Variants in SH3GL1 observed in about 807,000 individuals in gnomAD.
The protein encoded by SH3GL1 is endophilin-A2.
SH3GL1 carries 21 observed loss-of-function variants against 48.8 expected under a neutral mutation model. That is an observed-to-expected ratio of 0.43 (90% CI 0.30 to 0.62). SH3GL1 has a LOEUF of 0.62. Ranked by LOEUF, SH3GL1 falls within the 20% of genes least tolerant of loss-of-function variation. The pLI is 0.11. For synonymous variants in SH3GL1, 282 were observed against 217.5 expected (o/e 1.30, Z -2.61); for missense variants, 454 against 503.0 (o/e 0.90, Z 0.93).
rs1568403315 is a variant in SH3GL1, at chr19:4,360,486, A to C, written c.*1114T>G. 1 of 233,668 alleles carries C rather than the reference A, an allele frequency of 4.3e-6. No individual in the cohort carries two copies. Among genetic ancestry groups the C allele is most frequent in the East Asian group, 6.1e-5 (1 of 16,516 alleles). 14.5% of individuals were successfully genotyped at this position (233,668 alleles called of 1,614,324 possible). A position where few individuals can be genotyped will look rare whatever the true frequency, so the allele number is the denominator to read the frequency against. On this transcript the variant is annotated 3_prime_UTR_variant, in exon 10 of 10. Coordinates refer to ENST00000269886, the MANE Select transcript of SH3GL1 (RefSeq NM_003025.4). Reference sequence around the variant, plus strand: ...CTGCGCCCCTCATGTACTTCTGACGAGGGGGGTGCAGGGCAGGGCAGAGCA... The same window carrying C: ...CTGCGCCCCTCATGTACTTCTGACGCGGGGGGTGCAGGGCAGGGCAGAGCA...
At position 4,392,664 on chromosome 19, in the gene SH3GL1, A is replaced by G. The variant is rs905885815; in HGVS notation, c.45+7660T>C. ...AAAGTGAGGTTTTAAAAAAGAGGTC[A>G]GGGCCGGGCACGTGGCTCAGGCCTG... On this transcript the variant is annotated intron_variant, in intron 1 of 9. Coordinates refer to ENST00000269886, the MANE Select transcript of SH3GL1 (RefSeq NM_003025.4). Among the ~76,000 whole-genome samples the G allele has an allele frequency of 8.5e-5, 13 of 152,218 alleles. No homozygotes were observed. The East Asian group carries it at 2.5e-3, about 29-fold the overall frequency.
intron 1 of SH3GL1, among the ~76,000 whole-genome samples, chr19:4,391,047 C>A (rs1333351730): frequency 6.6e-6 from 1 of 152,196 alleles, no homozygotes; most frequent in African/African-American, 2.4e-5. Flanking sequence ...GGATTAAAGT[C>A]CACTGGACAC....
intron 3 of SH3GL1, 52 bp from the exon 4 acceptor site, chr19:4,365,677 C>T (rs745625205): frequency 1.9e-6 from 3 of 1,608,288 alleles, no homozygotes; most frequent in Non-Finnish European, 1.7e-6. Flanking sequence ...CACTCCTCTG[C>T]CCTGGCAGAC....
chr19:4,399,348 G>C (rs1220490545), intron 1 of SH3GL1, among the ~76,000 whole-genome samples: 2 of 103,548 alleles, frequency 1.9e-5, no homozygotes, highest in South Asian at 3.1e-4. Flanking sequence ...AAAAATCCAA[G>C]AAGTGTGGAG....
chr19:4,371,630 AT>A (rs1972903226), intron 1 of SH3GL1, among the ~76,000 whole-genome samples: 1 of 152,128 alleles, frequency 6.6e-6, no homozygotes, highest in Non-Finnish European at 1.5e-5. Flanking sequence ...GCCTGCAGGG[AT>A]GCGCCACATT....
chr19:4,370,073 C>T (rs905508471), intron 1 of SH3GL1, among the ~76,000 whole-genome samples: 1 of 152,230 alleles, frequency 6.6e-6, no homozygotes, highest in Non-Finnish European at 1.5e-5. Context: ...CGAGAGTCTG[C>T]GGCAGAGCTG....
intron 1 of SH3GL1, among the ~76,000 whole-genome samples, chr19:4,383,947 T>C (rs1415353420): frequency 2.6e-5 from 4 of 152,238 alleles, no homozygotes; most frequent in African/African-American, 9.6e-5. Context: ...ATGCGATGGG[T>C]GACAGATTTT....
Position 4,367,555 on chromosome 19 carries a change from A to T in SH3GL1, c.46-561T>A, listed in dbSNP as rs536562124. On this transcript the variant is annotated intron_variant, in intron 1 of 9. Coordinates refer to ENST00000269886, the MANE Select transcript of SH3GL1 (RefSeq NM_003025.4). This position sits in a 1 kb window ranked among gnomAD's most constrained non-coding sequence, Gnocchi z 4.2. Reference sequence around the variant, plus strand: ...GGTGCCCGTGTCTGCAGGATGGGACAGCCCAGCCCTTGCCCCATGTGGACA... The same window carrying T: ...GGTGCCCGTGTCTGCAGGATGGGACTGCCCAGCCCTTGCCCCATGTGGACA... Among the ~76,000 whole-genome samples the T allele has an allele frequency of 6.6e-6, 1 of 152,256 alleles. No individual in the cohort carries two copies. Among genetic ancestry groups the T allele is most frequent in the South Asian group, 2.1e-4 (1 of 4,824 alleles).
At chr19:4,362,844 G>T in intron 7 of SH3GL1, 108 bp from the exon 8 acceptor site, 3 of 1,551,808 alleles carry the variant, frequency 1.9e-6, no homozygotes, top group Non-Finnish European at 2.6e-6. Flanking sequence ...TGCAGGAAGA[G>T]GCCGTCAGTG....
chr19:4,396,354 G>A lies in SH3GL1; in HGVS notation c.45+3970C>T, dbSNP rs371127307. On this transcript the variant is annotated intron_variant, in intron 1 of 9. Transcript: ENST00000269886. ...GCGGAGGTTGCAGTGAGCCGAGATC[G>A]TGCCATTGTACTCCAGCCTGGGCAA... Among the ~76,000 whole-genome samples, 38 of 152,272 alleles carry A rather than the reference G, an allele frequency of 2.5e-4. No individual in the cohort carries two copies. The South Asian group carries it at 5.4e-3, about 22-fold the overall frequency.
At chr19:4,384,663 T>A (rs1268151515) in intron 1 of SH3GL1, among the ~76,000 whole-genome samples, 1 of 152,096 alleles carries the variant, frequency 6.6e-6, no homozygotes, top group Non-Finnish European at 1.5e-5. Flanking sequence ...TGTGTGAAAA[T>A]GCAGAAACTT....
intron 7 of SH3GL1, among the ~76,000 whole-genome samples, chr19:4,363,021 C>T (rs769610848): frequency 6.6e-6 from 1 of 152,188 alleles, no homozygotes; most frequent in Non-Finnish European, 1.5e-5. Context: ...CCTCCTCCCC[C>T]AATTCCCCAC....
rs35880496 is a variant in SH3GL1, at chr19:4,364,916, AT to A, written c.331+565del. ...TGTGTGTGTATATATATATATATATATTTTTTTTTTTTTAGTAGAAGCGGGG... is the reference window on the plus strand; with the variant it reads ...TGTGTGTGTATATATATATATATATATTTTTTTTTTTTAGTAGAAGCGGGG... On this transcript the variant is annotated intron_variant, in intron 4 of 9. Coordinates refer to ENST00000269886, the MANE Select transcript of SH3GL1 (RefSeq NM_003025.4). Among the ~76,000 whole-genome samples the A allele has an allele frequency of 4.8e-3, 553 of 116,140 alleles. 7 individuals carry two copies. Among genetic ancestry groups the A allele is most frequent in the African/African-American group, 0.018 (475 of 26,412 alleles). The allele number at this position is 116,140 out of a possible 152,430, so 76.2% of individuals were successfully genotyped here. A position where few individuals can be genotyped will look rare whatever the true frequency, so the allele number is the denominator to read the frequency against.
At chr19:4,386,501 CTTTT>C (rs960946256) in intron 1 of SH3GL1, among the ~76,000 whole-genome samples, 1 of 130,812 alleles carries the variant, frequency 7.6e-6, no homozygotes, top group East Asian at 2.1e-4. Flanking sequence ...TTCTTTTTCA[CTTTT>C]TTTTTTTTTT....
intron 1 of SH3GL1, among the ~76,000 whole-genome samples, chr19:4,375,541 C>T (rs550276975): frequency 1.4e-4 from 22 of 152,340 alleles, no homozygotes; most frequent in Non-Finnish European, 2.5e-4. Flanking sequence ...GTGGGACACA[C>T]GCTCCCACCC....
chr19:4,366,457 C>CCAGA (rs1355644809), intron 3 of SH3GL1, 44 bp downstream of exon 3: 3 of 1,469,942 alleles, frequency 2.0e-6, no homozygotes, highest in African/African-American at 2.8e-5. Flanking sequence ...GACACAGAGG[C>CCAGA]CAGAGGGCCT....
At chr19:4,378,576 A>G (rs1973058505) in intron 1 of SH3GL1, among the ~76,000 whole-genome samples, 2 of 152,106 alleles carry the variant, frequency 1.3e-5, no homozygotes, top group East Asian at 3.9e-4. Flanking sequence ...TTAGCTGGGC[A>G]TGGTGGTGCA....
At position 4,363,419 on chromosome 19, in the gene SH3GL1, G is replaced by T; in HGVS notation, c.679C>A (p.Arg227=). 6.2e-7 allele frequency: 1 copy of T among 1,612,416 alleles called. No individual in the cohort carries two copies. The highest frequency in any genetic ancestry group is 8.5e-7 in the Non-Finnish European group (1 of 1,179,524). ...TCGTCCAGGATCTGCACGGCCTGCC[G>T]GTGGTAGTCCAGCTGTGCATCCACC... The part of the protein sequence containing the change: ...ALVDAQLDYH[R]QAVQILDELA... The change falls in exon 7 of 10, where the codon CGG becomes AGG. Residue 227 remains arginine, a synonymous_variant. Transcript: ENST00000269886.
At chr19:4,364,890 GTGTGTGTGTATA>G (rs1478479364) in intron 4 of SH3GL1, among the ~76,000 whole-genome samples, 1 of 102,874 alleles carries the variant, frequency 9.7e-6, no homozygotes, top group Non-Finnish European at 2.0e-5. Context: ...GTGTGTGTGT[GTGTGTGTGTATA>G]TATATATATA....
Sources: gnomAD v4.1 joint callset for allele counts (sites outside exome capture counted in the v4.1 genomes callset) on GRCh38, gnomAD v4.1.1 for gene constraint, Gnocchi (gnomAD v3.1) non-coding constraint, MANE v1.5 for transcripts, NCBI Gene and HGNC (gene_info 2026-07-23, HGNC 2026-07-21) for gene names.